The following TLN1 variants were observed in gnomAD, a reference collection of about 807,000 sequenced individuals.
TLN1 encodes talin 1.
TLN1 carries 56 observed loss-of-function variants against 292.3 expected under a neutral mutation model. The ratio of observed to expected loss-of-function variants is 0.19; its 90% CI spans 0.15 to 0.24. The LOEUF is 0.24. Among genes scored for constraint, TLN1 ranks in the 10% least tolerant of loss-of-function variants. The pLI, the probability that TLN1 is intolerant of heterozygous loss-of-function variation, is 1.00. For synonymous variants in TLN1, 1,119 were observed against 1,253.7 expected (o/e 0.89, Z 2.27); for missense variants, 2,433 against 3,248.2 (o/e 0.75, Z 6.10).
At chr9:35,725,103 T>C in intron 3 of TLN1, 121 bp downstream of exon 3, 1 of 1,532,164 alleles carries the variant, frequency 6.5e-7, no homozygotes, top group Non-Finnish European at 8.9e-7. Flanking sequence ...GACTGTCTGT[T>C]AATAGGAAGA....
At position 35,704,212 on chromosome 9, in the gene TLN1, C is replaced by A; in HGVS notation, c.6048-38G>T. 2 of 1,569,278 alleles carry A rather than the reference C, an allele frequency of 1.3e-6. No homozygotes were observed. The highest frequency in any genetic ancestry group is 1.7e-6 in the Non-Finnish European group (2 of 1,156,432). ...CCAGCTTAGTCAGATCTCCCCTACCCGCTCCAGCCCGTCCAAGGTGCCTGG... is the reference window on the plus strand; with the variant it reads ...CCAGCTTAGTCAGATCTCCCCTACCAGCTCCAGCCCGTCCAAGGTGCCTGG... On this transcript the variant is annotated intron_variant, in intron 45 of 56. Transcript: ENST00000314888. This position sits in a 1 kb window ranked among gnomAD's most constrained non-coding sequence, Gnocchi z 6.9.
rs1280976729 is a variant in TLN1, at chr9:35,714,355, C to T, written c.3004G>A (p.Ala1002Thr). 2 of 1,611,712 alleles carry T rather than the reference C, an allele frequency of 1.2e-6. No homozygotes were observed. The highest frequency in any genetic ancestry group is 1.7e-4 in the Middle Eastern group (1 of 5,910). ...SFLQPGGKMVAAAKASVPTIQ... is the reference protein window; with the variant it reads ...SFLQPGGKMVTAAKASVPTIQ... ...GTTGGCACTGAGGCCTTTGCAGCTG[C>T]CACCATCTTCCCACCTGGCTGTTGG... Residue 1002 changes from alanine (A) to threonine (T), a missense_variant, in exon 24 of 57, where the codon GCA becomes ACA. By Grantham distance (58) the Ala-to-Thr change is moderately conservative. Around this residue, in one of 7 missense-constraint regions of TLN1, gnomAD observed 617 missense variants for 770.6 expected, o/e 0.80. Transcript: ENST00000314888. The surrounding 1 kb of genome is among the most constrained non-coding windows in gnomAD (Gnocchi z 4.6).
intron 48 of TLN1, among the ~76,000 whole-genome samples, chr9:35,702,757 C>T (rs1356412927): frequency 6.6e-6 from 1 of 152,048 alleles, no homozygotes; most frequent in Non-Finnish European, 1.5e-5. Flanking sequence ...TCCCAAAGTG[C>T]TGGGATTACA....
In TLN1 at chr9:35,698,256, A is replaced by C; in HGVS notation, c.7371+67T>G. Reference sequence around the variant, plus strand: ...TACCTCAATTCTCTCATAGAAACATACATCTCGGGAGTGACAGTTTGAAGC... The same window carrying C: ...TACCTCAATTCTCTCATAGAAACATCCATCTCGGGAGTGACAGTTTGAAGC... On this transcript the variant is annotated intron_variant, in intron 55 of 56. Transcript: ENST00000314888. The surrounding 1 kb of genome is among the most constrained non-coding windows in gnomAD (Gnocchi z 5.3). 1 of 1,608,010 alleles carries C rather than the reference A, an allele frequency of 6.2e-7. No individual in the cohort carries two copies. Among genetic ancestry groups the C allele is most frequent in the Non-Finnish European group, 8.5e-7 (1 of 1,175,488 alleles).
At position 35,700,217 on chromosome 9, in the gene TLN1, T is replaced by C. The variant is rs138625537; in HGVS notation, c.6634A>G (p.Ile2212Val). The change falls in exon 49 of 57, where the codon ATT (isoleucine) becomes GTT (valine). Residue 2212 changes from isoleucine (I) to valine (V), a missense_variant. Ile to Val is a conservative substitution (Grantham distance 29, BLOSUM62 3). Coordinates refer to ENST00000314888, the MANE Select transcript of TLN1 (RefSeq NM_006289.4). ...IATANLSRRA[I>V]ADMLRACKEA... ...TTGCAAGCCCGAAGCATATCTGCAA[T>C]AGCACGGCGGCTCAGATTGGCTGTG... 3.7e-6 allele frequency: 6 copies of C among 1,609,852 alleles called. No individual in the cohort carries two copies. The African/African-American group carries it at 4.0e-5, about 11-fold the overall frequency.
chr9:35,713,925 G>T, intron 25 of TLN1, 28 bp downstream of exon 25: 1 of 1,613,466 alleles, frequency 6.2e-7, no homozygotes, highest in Non-Finnish European at 8.5e-7. Context: ...TAGGATTTGA[G>T]TAAGAATGAG....
intron 11 of TLN1, 149 bp from the exon 12 acceptor site, chr9:35,720,658 C>T: frequency 1.0e-6 from 1 of 976,586 alleles, no homozygotes; most frequent in Non-Finnish European, 1.5e-6. Context: ...CAAGAAAGGG[C>T]TCTGTCACCC....
chr9:35,703,291 G>C (rs899998354), intron 48 of TLN1, among the ~76,000 whole-genome samples: 5 of 152,102 alleles, frequency 3.3e-5, no homozygotes, highest in Non-Finnish European at 7.3e-5. Flanking sequence ...GGAGAGCTGG[G>C]GTAGGGGAAG....
rs1825702104 is a variant in TLN1, at chr9:35,712,924, C to A, written c.3472G>T (p.Val1158Leu). 6.2e-7 allele frequency: 1 copy of A among 1,608,352 alleles called. No homozygotes were observed. The highest frequency in any genetic ancestry group is 1.7e-5 in the Admixed American group (1 of 59,280). The change falls in exon 27 of 57, where the codon GTG (valine) becomes TTG (leucine). Residue 1158 changes from valine to leucine, a missense_variant. Physicochemically the swap from Val to Leu is conservative, Grantham distance 32. This residue lies in a region of TLN1 where 1,384 missense variants were observed against 1,699.6 expected (regional missense o/e 0.81). Coordinates refer to ENST00000314888, the MANE Select transcript of TLN1 (RefSeq NM_006289.4). ...QAIVLDTASD[V>L]LDKASSLIEE... The stretch of plus-strand genomic sequence containing the variant: ...ATGAGGCTGCTGGCCTTGTCCAGCA[C>A]ATCACTGGCCGTATCAAGTACAATG...
chr9:35,714,509 G>A lies in TLN1; in HGVS notation c.2985+65C>T. ...GAGGCTCTTGGCAGAGATTCAAACT[G>A]TGGGAGATGGAAGCTTAGAAAGGTG... On this transcript the variant is annotated intron_variant, in intron 23 of 56. Transcript: ENST00000314888. The surrounding 1 kb of genome is among the most constrained non-coding windows in gnomAD (Gnocchi z 4.6). The A allele has an allele frequency of 6.3e-7, 1 of 1,590,644 alleles. No homozygotes were observed. Among genetic ancestry groups the A allele is most frequent in the Non-Finnish European group, 8.5e-7 (1 of 1,172,366 alleles).
At position 35,719,418 on chromosome 9, in the gene TLN1, G is replaced by A; in HGVS notation, c.1687+101C>T. On this transcript the variant is annotated intron_variant, in intron 15 of 56. Transcript: ENST00000314888. This position sits in a 1 kb window ranked among gnomAD's most constrained non-coding sequence, Gnocchi z 4.6. ...GCACACACACAGTCCCTTCCACAGT[G>A]AGTCAAGGCACAGTCACACATGAAG... 2.2e-6 allele frequency: 3 copies of A among 1,347,418 alleles called. No homozygotes were observed. Among genetic ancestry groups the A allele is most frequent in the Non-Finnish European group, 3.2e-6 (3 of 941,144 alleles). The allele number at this position is 1,347,418 out of a possible 1,614,324, so 83.5% of individuals were successfully genotyped here.
Position 35,704,333 on chromosome 9 carries a change from G to A in TLN1, c.6046C>T (p.Arg2016Trp), listed in dbSNP as rs769049532. 2.5e-6 allele frequency: 4 copies of A among 1,612,754 alleles called. No homozygotes were observed. The highest frequency in any genetic ancestry group is 3.4e-6 in the Non-Finnish European group (4 of 1,179,256). ...REGTETFADHREGILKTAKVL... is the reference protein window; with the variant it reads ...REGTETFADHWEGILKTAKVL... ...CCTTAGGCCCAGTTCCTGTCTTACCGGTGGTCAGCGAAAGTTTCAGTACCC... is the reference window on the plus strand; with the variant it reads ...CCTTAGGCCCAGTTCCTGTCTTACCAGTGGTCAGCGAAAGTTTCAGTACCC... Residue 2016 changes from arginine (R) to tryptophan (W), a missense_variant and splice_region_variant, in exon 45 of 57, where the codon CGG (arginine) becomes TGG (tryptophan). Physicochemically the swap from Arg to Trp is moderately radical, Grantham distance 101. Around this residue, in one of 7 missense-constraint regions of TLN1, gnomAD observed 1,384 missense variants for 1,699.6 expected, o/e 0.81. Transcript: ENST00000314888. The surrounding 1 kb of genome is among the most constrained non-coding windows in gnomAD (Gnocchi z 6.9).
At chr9:35,725,445 A>G (rs991054243) in intron 2 of TLN1, 120 bp downstream of exon 2, 19 of 1,536,674 alleles carry the variant, frequency 1.2e-5, no homozygotes, top group Non-Finnish European at 1.6e-5. Flanking sequence ...GAACCATGGA[A>G]CACAGACCTG....
At position 35,719,327 on chromosome 9, in the gene TLN1, C is replaced by T. The variant is rs371529994; in HGVS notation, c.1688-45G>A. On this transcript the variant is annotated intron_variant, in intron 15 of 56. Coordinates refer to ENST00000314888, the MANE Select transcript of TLN1 (RefSeq NM_006289.4). This position sits in a 1 kb window ranked among gnomAD's most constrained non-coding sequence, Gnocchi z 4.6. ...GAGGAACATGAGAGACAGGGCAGGC[C>T]AGACGAAGGGCTGGGGAGGGAGCAA... The T allele has an allele frequency of 1.6e-5, 25 of 1,582,630 alleles. No individual in the cohort carries two copies. The highest frequency in any genetic ancestry group is 2.2e-5 in the Non-Finnish European group (25 of 1,157,458).
rs749722218 is a variant in TLN1, at chr9:35,722,268, C to T, written c.844-45G>A. On this transcript the variant is annotated intron_variant, in intron 8 of 56. Transcript: ENST00000314888. ...GAATTTAGCAAAGAGTTTCATATCA[C>T]AGCTAAGGAATTAAGGTTGGATGCT... is the stretch of plus-strand genomic sequence containing the variant. The T allele has an allele frequency of 4.6e-6, 7 of 1,531,926 alleles. No individual in the cohort carries two copies. The South Asian group carries it at 7.8e-5, about 17-fold the overall frequency. 94.9% of individuals were successfully genotyped at this position (1,531,926 alleles called of 1,614,324 possible). A position where few individuals can be genotyped will look rare whatever the true frequency, so the allele number is the denominator to read the frequency against.
At chr9:35,723,756 T>C (rs1825918768) in intron 7 of TLN1, 196 bp downstream of exon 7, 1 of 739,282 alleles carries the variant, frequency 1.4e-6, no homozygotes, top group African/African-American at 1.8e-5. Context: ...GCAGAGATAC[T>C]GAACTACATT....
chr9:35,715,277 A>G, intron 20 of TLN1, 90 bp from the exon 21 acceptor site: 1 of 1,504,030 alleles, frequency 6.6e-7, no homozygotes, highest in Non-Finnish European at 8.9e-7. Context: ...TCAGTTTAAA[A>G]TTCATGTATT....
At chr9:35,703,290 G>A (rs193124496) in intron 48 of TLN1, among the ~76,000 whole-genome samples, 10 of 152,248 alleles carry the variant, frequency 6.6e-5, no homozygotes, top group Admixed American at 5.9e-4. Flanking sequence ...GGGAGAGCTG[G>A]GGTAGGGGAA....
intron 1 of TLN1, among the ~76,000 whole-genome samples, chr9:35,729,550 A>G (rs977177384): frequency 3.9e-5 from 6 of 152,252 alleles, no homozygotes; most frequent in Non-Finnish European, 8.8e-5. Context: ...ACTGGATTTT[A>G]GAAAAATAAC....
Sources: gnomAD v4.1 joint callset for allele counts (sites outside exome capture counted in the v4.1 genomes callset) on GRCh38, gnomAD v4.1.1 for gene constraint, gnomAD v4.1.1 regional missense constraint, Gnocchi (gnomAD v3.1) non-coding constraint, MANE v1.5 for transcripts, NCBI Gene and HGNC (gene_info 2026-07-23, HGNC 2026-07-21) for gene names.